ZBTB1: variants seen among roughly 807,000 people sequenced by gnomAD.
The protein encoded by ZBTB1 is zinc finger and BTB domain-containing protein 1.
In ZBTB1, 13 loss-of-function variants were observed where a neutral mutation model predicts 51.6. The ratio of observed to expected loss-of-function variants is 0.25; its 90% CI spans 0.16 to 0.40. ZBTB1 has a LOEUF of 0.40. Ranked by LOEUF, ZBTB1 falls within the 10% of genes least tolerant of loss-of-function variation. The pLI is 1.00. For missense variants in ZBTB1, 567 were observed against 856.5 expected, an observed-to-expected ratio of 0.66 and a Z score of 4.22; for synonymous variants, 240 against 282.2, an observed-to-expected ratio of 0.85 and a Z score of 1.50.
chr14:64,522,544 T>C lies in ZBTB1; in HGVS notation c.1040T>C (p.Val347Ala). 6.2e-7 allele frequency: 1 copy of C among 1,613,884 alleles called. No homozygotes were observed. Among genetic ancestry groups the C allele is most frequent in the Non-Finnish European group, 8.5e-7 (1 of 1,179,956 alleles). ...DELKDFNIIK[V>A]TDKDCNESTD... ...CTGAAAGACTTTAACATTATTAAAG[T>C]TACTGATAAAGACTGTAATGAATCC... The change falls in exon 2 of 2, where the codon GTT becomes GCT. Residue 347 changes from valine (V) to alanine (A), a missense_variant. Val to Ala is a moderately conservative substitution (Grantham distance 64). Coordinates refer to ENST00000683701, the MANE Select transcript of ZBTB1 (RefSeq NM_001123329.2).
In ZBTB1 at chr14:64,521,988, G is replaced by A; in HGVS notation, c.484G>A (p.Glu162Lys). The change falls in exon 2 of 2, where the codon GAG (glutamate) becomes AAG (lysine). Residue 162 changes from glutamate to lysine, a missense_variant. By Grantham distance (56) the Glu-to-Lys change is moderately conservative (BLOSUM62 1). This residue lies in a region of ZBTB1 where 74 missense variants were observed against 74.9 expected (regional missense o/e 0.99). Transcript: ENST00000683701. ...CAATGAAGCCAACAGGTGGTGTGCA[G>A]AGCCAAGTTCAACGGTAAATACACC... ...NGNEANRWCA[E>K]PSSTVNTPHN... 6.2e-7 allele frequency: 1 copy of A among 1,614,236 alleles called. No individual in the cohort carries two copies. Among genetic ancestry groups the A allele is most frequent in the Non-Finnish European group, 8.5e-7 (1 of 1,180,046 alleles).
rs550792234 is a variant in ZBTB1 at position 64,504,785 on chromosome 14, C to T, written c.-180C>T. 1 of 381,670 alleles carries T rather than the reference C, an allele frequency of 2.6e-6. No individual in the cohort carries two copies. The highest frequency in any genetic ancestry group is 4.5e-5 in the Admixed American group (1 of 22,084). The allele number at this position is 381,670 out of a possible 1,614,324, so 23.6% of individuals were successfully genotyped here. On this transcript the variant is annotated 5_prime_UTR_variant, in exon 1 of 2. Transcript: ENST00000683701. ...GAAGTCCTTTGTTGCAGCACAGTCCCTGGCAGAGCCAGAGCCTCTCCGCGC... is the reference window on the plus strand; with the variant it reads ...GAAGTCCTTTGTTGCAGCACAGTCCTTGGCAGAGCCAGAGCCTCTCCGCGC...
At chr14:64,507,034 A>G (rs939938239) in intron 1 of ZBTB1, among the ~76,000 whole-genome samples, 1 of 152,146 alleles carries the variant, frequency 6.6e-6, no homozygotes, top group Non-Finnish European at 1.5e-5. Flanking sequence ...TTCCCTTTCT[A>G]ATGTGCAGGA....
intron 1 of ZBTB1, chr14:64,518,275 G>A (rs1269387384): frequency 6.6e-6 from 1 of 152,144 alleles, no homozygotes; most frequent in African/African-American, 2.4e-5. Context: ...ATTGCTTTTT[G>A]TATTTAGATA....
Position 64,522,332 on chromosome 14 carries a change from A to G in ZBTB1, c.828A>G (p.Thr276=). The G allele has an allele frequency of 6.2e-7, 1 of 1,614,182 alleles. No homozygotes were observed. The highest frequency in any genetic ancestry group is 1.7e-5 in the Admixed American group (1 of 60,014). Residue 276 remains threonine (T), a synonymous_variant, in exon 2 of 2, where the codon ACA becomes ACG. Transcript: ENST00000683701. ...TTGGTGAAAAAGATTCTTCCAAAACATTTTCTGCACAGACGGACAAATACA... is the reference window on the plus strand; with the variant it reads ...TTGGTGAAAAAGATTCTTCCAAAACGTTTTCTGCACAGACGGACAAATACA... ...AEFGEKDSSK[T]FSAQTDKYRG...
In ZBTB1 at chr14:64,522,663, A is replaced by T. The variant is rs1306659860; in HGVS notation, c.1159A>T (p.Thr387Ser). 3.0e-5 allele frequency: 48 copies of T among 1,614,042 alleles called. No homozygotes were observed. Among genetic ancestry groups the T allele is most frequent in the Non-Finnish European group, 4.0e-5 (47 of 1,180,022 alleles). ...DVSIKKSGRK[T>S]LKPRMSVSAD... Reference sequence around the variant, plus strand: ...CAGCATAAAAAAAAGTGGTAGGAAAACTCTAAAACCTCGAATGTCAGTAAG... The same window carrying T: ...CAGCATAAAAAAAAGTGGTAGGAAATCTCTAAAACCTCGAATGTCAGTAAG... The change falls in exon 2 of 2, where the codon ACT becomes TCT. Residue 387 changes from threonine (T) to serine (S), a missense_variant. Coordinates refer to ENST00000683701, the MANE Select transcript of ZBTB1 (RefSeq NM_001123329.2).
At chr14:64,513,937 G>C (rs1407520543) in intron 1 of ZBTB1, among the ~76,000 whole-genome samples, 1 of 152,184 alleles carries the variant, frequency 6.6e-6, no homozygotes, top group Non-Finnish European at 1.5e-5. Flanking sequence ...TGGGATTACA[G>C]GTATGAGCCA....
At position 64,504,783 on chromosome 14, in the gene ZBTB1, C is replaced by G. The variant is rs1224927032; in HGVS notation, c.-182C>G. On this transcript the variant is annotated 5_prime_UTR_variant, in exon 1 of 2. Transcript: ENST00000683701. ...CGGAAGTCCTTTGTTGCAGCACAGT[C>G]CCTGGCAGAGCCAGAGCCTCTCCGC... is the stretch of plus-strand genomic sequence containing the variant. 11 of 381,342 alleles carry G rather than the reference C, an allele frequency of 2.9e-5. No homozygotes were observed. Among genetic ancestry groups the G allele is most frequent in the Non-Finnish European group, 5.1e-5 (11 of 215,076 alleles). The allele number at this position is 381,342 out of a possible 1,614,324, so 23.6% of individuals were successfully genotyped here. A position where few individuals can be genotyped will look rare whatever the true frequency, so the allele number is the denominator to read the frequency against.
Position 64,522,527 on chromosome 14 carries a change from C to CT in ZBTB1, c.1026dup (p.Asn343Ter). Reference sequence around the variant, plus strand: ...ATATTCCTACAGATGAACTGAAAGACTTTAACATTATTAAAGTTACTGATA... The same window carrying CT: ...ATATTCCTACAGATGAACTGAAAGACTTTTAACATTATTAAAGTTACTGATA... On this transcript the variant is annotated frameshift_variant, in exon 2 of 2. Coordinates refer to ENST00000683701, the MANE Select transcript of ZBTB1 (RefSeq NM_001123329.2). LOFTEE classifies it high-confidence loss of function. The CT allele has an allele frequency of 6.2e-7, 1 of 1,613,950 alleles. No homozygotes were observed. The highest frequency in any genetic ancestry group is 8.5e-7 in the Non-Finnish European group (1 of 1,179,970).
intron 2 of ZBTB1, among the ~76,000 whole-genome samples, chr14:64,530,996 G>A (rs1280260986): frequency 6.6e-6 from 1 of 152,150 alleles, no homozygotes; most frequent in Non-Finnish European, 1.5e-5. Flanking sequence ...TCATATCAGA[G>A]TCAGGGATAT....
downstream of ZBTB1, among the ~76,000 whole-genome samples, chr14:64,526,504 A>G (rs955548246): frequency 2.6e-5 from 4 of 152,272 alleles, no homozygotes; most frequent in Middle Eastern, 3.4e-3. Context: ...GTGGAATCAA[A>G]TTCTCTTTCT....
At chr14:64,504,364 C>CG (rs139905887), upstream of ZBTB1, 34,769 of 152,296 alleles carry the variant, frequency 0.23, 4,660 homozygotes, top group Non-Finnish European at 0.31. Flanking sequence ...CTGGGCCCAA[C>CG]GGGCAGGGGT....
intron 1 of ZBTB1, among the ~76,000 whole-genome samples, chr14:64,520,202 A>G (rs1217270277): frequency 1.3e-5 from 2 of 152,078 alleles, no homozygotes; most frequent in Admixed American, 6.5e-5. Flanking sequence ...ACAAGGTTTC[A>G]CTGTGTTAGC....
rs571380788 is a variant in ZBTB1, at chr14:64,505,773, G to A, written c.-19+827G>A. Among the ~76,000 whole-genome samples, 3 of 152,328 alleles carry A rather than the reference G, an allele frequency of 2.0e-5. No individual in the cohort carries two copies. The South Asian group carries it at 6.2e-4, about 32-fold the overall frequency. ...AATCCTTGACGTTTTCTGGGGATAG[G>A]ACATTTGTGTGTGATAACGTTCTTA... On this transcript the variant is annotated intron_variant, in intron 1 of 1. Coordinates refer to ENST00000683701, the MANE Select transcript of ZBTB1 (RefSeq NM_001123329.2).
intron 1 of ZBTB1, among the ~76,000 whole-genome samples, chr14:64,513,955 G>A (rs994852838): frequency 2.0e-5 from 3 of 152,018 alleles, no homozygotes; most frequent in African/African-American, 4.8e-5. Flanking sequence ...CCACCGCACC[G>A]GCCTCAATAT....
intron 1 of ZBTB1, among the ~76,000 whole-genome samples, chr14:64,519,149 CTT>C (rs546867054): frequency 1.5e-4 from 20 of 133,142 alleles, no homozygotes; most frequent in Non-Finnish European, 2.7e-4. Context: ...TTTTTTGCTA[CTT>C]TTTTTTTTTT....
At chr14:64,525,497 G>C (rs1421051777), downstream of ZBTB1, among the ~76,000 whole-genome samples, 1 of 152,126 alleles carries the variant, frequency 6.6e-6, no homozygotes, top group Non-Finnish European at 1.5e-5. Context: ...GTGGTATAAA[G>C]AGATCAGATA....
rs147474483 is a variant in ZBTB1 at position 64,513,817 on chromosome 14, T to A, written c.-18-7670T>A. ...CTGGGATTACAGGCATCCACTATCATGCCCGGCTGATTTTTGTATTTTTGT... is the reference window on the plus strand; with the variant it reads ...CTGGGATTACAGGCATCCACTATCAAGCCCGGCTGATTTTTGTATTTTTGT... On this transcript the variant is annotated intron_variant, in intron 1 of 1. Coordinates refer to ENST00000683701, the MANE Select transcript of ZBTB1 (RefSeq NM_001123329.2). Among the ~76,000 whole-genome samples, 742 of 152,298 alleles carry A rather than the reference T, an allele frequency of 4.9e-3. 6 individuals carry two copies. Among genetic ancestry groups the A allele is most frequent in the African/African-American group, 0.017 (714 of 41,572 alleles).
chr14:64,509,747 G>A (rs911435864), intron 1 of ZBTB1, among the ~76,000 whole-genome samples: 4 of 151,908 alleles, frequency 2.6e-5, no homozygotes, highest in Admixed American at 6.6e-5. Flanking sequence ...CAAGGCAGGC[G>A]GATCACGAGG....
Sources: allele counts gnomAD v4.1 joint callset (sites outside exome capture counted in the v4.1 genomes callset), GRCh38; gene constraint gnomAD v4.1.1; regional missense constraint gnomAD v4.1.1; transcripts MANE v1.5; gene names NCBI Gene and HGNC (gene_info 2026-07-23, HGNC 2026-07-21).